SLIT3: variants seen among roughly 807,000 people sequenced by gnomAD.
The protein encoded by SLIT3 is slit homolog 3 protein.
Under a neutral mutation model 184.0 loss-of-function variants are expected in SLIT3, and 68 were observed. That is an observed-to-expected ratio of 0.37 (90% CI 0.30 to 0.45). The LOEUF is 0.45. Among genes scored for constraint, SLIT3 ranks in the 20% least tolerant of loss-of-function variants. SLIT3 has a pLI of 1.00. For missense variants in SLIT3, 1,707 were observed against 2,026.0 expected (o/e 0.84, Z 3.02); for synonymous variants, 831 against 828.6 (o/e 1.00, Z -0.05).
intron 23 of SLIT3, among the ~76,000 whole-genome samples, chr5:168,721,960 C>T (rs35668605): frequency 0.19 from 29,643 of 152,090 alleles, 3,261 homozygotes; most frequent in East Asian, 0.42. Context: ...ATTGCATATC[C>T]TAATCCTCAC....
At chr5:169,085,671 C>A (rs1024593986) in intron 4 of SLIT3, among the ~76,000 whole-genome samples, 1 of 152,208 alleles carries the variant, frequency 6.6e-6, no homozygotes, top group Non-Finnish European at 1.5e-5. Context: ...CCCAACACAG[C>A]CTGCCCCAGC....
intron 4 of SLIT3, chr5:168,994,265 T>C (rs1755432447): frequency 6.6e-6 from 1 of 152,286 alleles, no homozygotes; most frequent in African/African-American, 2.4e-5. Context: ...CCTCTGCTGC[T>C]GGAGCTGGTG....
At chr5:169,056,245 C>T (rs1331187538) in intron 4 of SLIT3, among the ~76,000 whole-genome samples, 1 of 152,120 alleles carries the variant, frequency 6.6e-6, no homozygotes, top group Non-Finnish European at 1.5e-5. Flanking sequence ...TTCATAAGCT[C>T]AGTGGATGAG....
chr5:169,185,037 G>A (rs1763288179), intron 4 of SLIT3, among the ~76,000 whole-genome samples: 1 of 152,188 alleles, frequency 6.6e-6, no homozygotes, highest in South Asian at 2.1e-4. Flanking sequence ...CCTATCGGAG[G>A]AGAGAGACGA....
At chr5:168,678,963 G>C (rs954305237) in intron 32 of SLIT3, among the ~76,000 whole-genome samples, 2 of 152,228 alleles carry the variant, frequency 1.3e-5, no homozygotes, top group African/African-American at 4.8e-5. Context: ...GGGAGGTGGA[G>C]AGCTCTGGAG....
intron 4 of SLIT3, among the ~76,000 whole-genome samples, chr5:168,939,746 A>G (rs543210985): frequency 1.3e-5 from 2 of 152,336 alleles, no homozygotes; most frequent in East Asian, 1.9e-4. Context: ...TTGGTACATG[A>G]AATGGAAAGC....
intron 4 of SLIT3, among the ~76,000 whole-genome samples, chr5:169,072,468 C>T (rs1168325427): frequency 7.9e-5 from 12 of 152,216 alleles, no homozygotes; most frequent in Admixed American, 2.0e-4. Flanking sequence ...TCACATTATT[C>T]ATTCCAGGTC....
intron 4 of SLIT3, among the ~76,000 whole-genome samples, chr5:168,984,909 A>G (rs760108577): frequency 6.6e-5 from 10 of 152,170 alleles, no homozygotes; most frequent in Non-Finnish European, 1.2e-4. Context: ...TAAGACCTCT[A>G]TTTCTGCACT....
chr5:168,868,684 G>A (rs1311763167), intron 5 of SLIT3, among the ~76,000 whole-genome samples: 6 of 147,050 alleles, frequency 4.1e-5, no homozygotes, highest in Non-Finnish European at 7.4e-5. Flanking sequence ...GGAGGCAGAG[G>A]TTACAGCGAG....
chr5:169,215,863 AT>A (rs1764417621), intron 3 of SLIT3, among the ~76,000 whole-genome samples: 1 of 152,160 alleles, frequency 6.6e-6, no homozygotes, highest in Admixed American at 6.5e-5. Context: ...TTGTTCCCTC[AT>A]GTCTAAAGCC....
intron 9 of SLIT3, 41 bp from the exon 10 acceptor site, chr5:168,795,619 T>C: frequency 4.7e-6 from 7 of 1,500,232 alleles, no homozygotes; most frequent in Admixed American, 1.7e-5. Flanking sequence ...ACCATCCACC[T>C]GTCAACAAGT....
At chr5:168,955,459 C>T (rs1470588820) in intron 4 of SLIT3, among the ~76,000 whole-genome samples, 1 of 152,202 alleles carries the variant, frequency 6.6e-6, no homozygotes, top group Non-Finnish European at 1.5e-5. Flanking sequence ...CACCAACAGG[C>T]TCAGCCTGTT....
intron 4 of SLIT3, among the ~76,000 whole-genome samples, chr5:168,972,337 A>ATGTGGGTGTGTGTGTGTGTGTGTGTGTG (rs1754604055): frequency 8.5e-6 from 1 of 118,250 alleles, no homozygotes; most frequent in African/African-American, 3.7e-5. Flanking sequence ...GCAGGACAAC[A>ATGTGGGTGTGTGTGTGTGTGTGTGTGTG]TGTGTGTGTG....
rs540427446 is a variant in SLIT3 at position 168,749,865 on chromosome 5, G to T, written c.1974-230C>A. 8.5e-5 allele frequency among the ~76,000 whole-genome samples: 13 copies of T among 152,306 alleles called. No homozygotes were observed. In the East Asian group the frequency reaches 2.1e-3, roughly 25 times the overall value. On this transcript the variant is annotated intron_variant, in intron 18 of 35. Transcript: ENST00000519560. ...CTCCCTTGGGTACCAAGCCCTGGCT[G>T]TGTGAACTGCCTTTGGGTCCTTAGC...
intron 7 of SLIT3, among the ~76,000 whole-genome samples, chr5:168,821,781 T>C (rs1260858699): frequency 6.6e-6 from 1 of 152,192 alleles, no homozygotes; most frequent in Non-Finnish European, 1.5e-5. Context: ...ATTCATGAAC[T>C]CACTTTCCTT....
At chr5:169,287,182 G>A (rs569386035) in intron 1 of SLIT3, among the ~76,000 whole-genome samples, 1 of 152,182 alleles carries the variant, frequency 6.6e-6, no homozygotes, top group Non-Finnish European at 1.5e-5. Context: ...TGAAGCAACT[G>A]GCCTTCCCAT....
At chr5:169,059,801 T>C (rs1220433849) in intron 4 of SLIT3, among the ~76,000 whole-genome samples, 1 of 152,200 alleles carries the variant, frequency 6.6e-6, no homozygotes, top group Non-Finnish European at 1.5e-5. Context: ...CAGACTCCAT[T>C]TGGCTGGGGC....
Position 168,774,246 on chromosome 5 carries a change from G to A in SLIT3, c.1284C>T (p.Ser428=). 2 of 1,611,630 alleles carry A rather than the reference G, an allele frequency of 1.2e-6. No homozygotes were observed. Among genetic ancestry groups the A allele is most frequent in the Non-Finnish European group, 1.7e-6 (2 of 1,178,870 alleles). The change falls in exon 13 of 36, where the codon TCC becomes TCT. Residue 428 remains serine, a synonymous_variant. Transcript: ENST00000519560. ...GGCAGTGTACTCACAGTGTCTGGATGGACTGCAGAGGGGCGAAGAGCCCCT... is the reference window on the plus strand; with the variant it reads ...GGCAGTGTACTCACAGTGTCTGGATAGACTGCAGAGGGGCGAAGAGCCCCT... ...ISKGLFAPLQ[S]IQTLHLAQNP... is the part of the protein sequence containing the mutation.
chr5:168,905,707 G>A (rs531878164), intron 4 of SLIT3, among the ~76,000 whole-genome samples: 11 of 152,180 alleles, frequency 7.2e-5, no homozygotes, highest in Non-Finnish European at 1.2e-4. Context: ...AATTCCACAT[G>A]TCTGTCTGCC....
Sources: allele counts gnomAD v4.1 joint callset (sites outside exome capture counted in the v4.1 genomes callset), GRCh38; gene constraint gnomAD v4.1.1; transcripts MANE v1.5; gene names NCBI Gene and HGNC (gene_info 2026-07-23, HGNC 2026-07-21).